The following AGBL4 variants were observed in gnomAD, a reference collection of about 807,000 sequenced individuals.
AGBL4 encodes cytosolic carboxypeptidase 6.
Under a neutral mutation model 66.4 loss-of-function variants are expected in AGBL4, and 58 were observed. That is an observed-to-expected ratio of 0.87 (90% CI 0.71 to 1.09). The LOEUF is 1.09. Among genes scored for constraint, AGBL4 ranks in the 50% least tolerant of loss-of-function variants. AGBL4 has a pLI of 0.00. For missense variants in AGBL4, 579 were observed against 631.0 expected, an observed-to-expected ratio of 0.92 and a Z score of 0.88; for synonymous variants, 234 against 222.9, an observed-to-expected ratio of 1.05 and a Z score of -0.44.
chr1:49,383,373 C>A (rs1557888919), intron 3 of AGBL4, among the ~76,000 whole-genome samples: 1 of 151,952 alleles, frequency 6.6e-6, no homozygotes, highest in African/African-American at 2.4e-5. Flanking sequence ...TAGTTAAAAG[C>A]CTGACACTTT....
chr1:48,650,986 G>T (rs1024667558), intron 8 of AGBL4, among the ~76,000 whole-genome samples: 1 of 152,230 alleles, frequency 6.6e-6, no homozygotes, highest in African/African-American at 2.4e-5. Flanking sequence ...CTGCTGTAGA[G>T]AGTAGTGTGG....
chr1:49,402,417 T>C, intron 3 of AGBL4, among the ~76,000 whole-genome samples: 1 of 152,358 alleles, frequency 6.6e-6, no homozygotes, highest in East Asian at 1.9e-4. Context: ...ATTTTATTCT[T>C]AATTTATTCA....
Position 49,935,166 on chromosome 1 carries a change from G to A in AGBL4, c.35-83648C>T, listed in dbSNP as rs144376251. On this transcript the variant is annotated intron_variant, in intron 1 of 13. Coordinates refer to ENST00000371839, the MANE Select transcript of AGBL4 (RefSeq NM_032785.4). ...TTTTCCGATGGGCTTAAAAAACGGC[G>A]CTCCAGGAGATTATATCCCGCACAT... is the stretch of plus-strand genomic sequence containing the variant. Among the ~76,000 whole-genome samples, 80 of 152,316 alleles carry A rather than the reference G, an allele frequency of 5.3e-4. 1 individual carries two copies. In the South Asian group the frequency reaches 9.5e-3, roughly 18 times the overall value.
chr1:49,763,542 A>G (rs1370378081), intron 2 of AGBL4, among the ~76,000 whole-genome samples: 2 of 152,216 alleles, frequency 1.3e-5, no homozygotes, highest in African/African-American at 4.8e-5. Flanking sequence ...GATGGAACAC[A>G]TGGAAAACAG....
At chr1:49,869,578 A>G (rs1181582952) in intron 1 of AGBL4, among the ~76,000 whole-genome samples, 1 of 152,172 alleles carries the variant, frequency 6.6e-6, no homozygotes, top group Non-Finnish European at 1.5e-5. Flanking sequence ...GGAAAAACAC[A>G]CACCGGGGCC....
At chr1:49,576,632 T>C (rs1200898869) in intron 3 of AGBL4, among the ~76,000 whole-genome samples, 1 of 152,218 alleles carries the variant, frequency 6.6e-6, no homozygotes, top group Non-Finnish European at 1.5e-5. Context: ...AAGTGGGTCA[T>C]GCACAGCAGC....
intron 11 of AGBL4, among the ~76,000 whole-genome samples, chr1:48,569,054 C>A (rs1644519984): frequency 2.0e-5 from 3 of 152,160 alleles, no homozygotes; most frequent in Non-Finnish European, 4.4e-5. Flanking sequence ...TTTCAATGTG[C>A]TCACCAGCCT....
At chr1:49,872,273 G>A (rs1646855441) in intron 1 of AGBL4, among the ~76,000 whole-genome samples, 1 of 151,854 alleles carries the variant, frequency 6.6e-6, no homozygotes, top group Non-Finnish European at 1.5e-5. Flanking sequence ...ACTATTTTGT[G>A]AGTATTCTTA....
chr1:49,680,627 C>A (rs1646674758), intron 3 of AGBL4, among the ~76,000 whole-genome samples: 1 of 151,810 alleles, frequency 6.6e-6, no homozygotes, highest in African/African-American at 2.4e-5. Context: ...GCATTTCTTT[C>A]CTCTGTTTTC....
In AGBL4 at chr1:49,286,223, G is replaced by C. The variant is rs574532220; in HGVS notation, c.283-40359C>G. On this transcript the variant is annotated intron_variant, in intron 3 of 13. Coordinates refer to ENST00000371839, the MANE Select transcript of AGBL4 (RefSeq NM_032785.4). ...GATGGGACATATCTTAAAATAATAA[G>C]AGCTATCTATGACAAACCCACAGCC... 4.6e-5 allele frequency among the ~76,000 whole-genome samples: 7 copies of C among 152,168 alleles called. No individual in the cohort carries two copies. The South Asian group carries it at 1.5e-3, about 32-fold the overall frequency.
At chr1:48,683,779 C>T (rs1178642311) in intron 6 of AGBL4, among the ~76,000 whole-genome samples, 2 of 152,110 alleles carry the variant, frequency 1.3e-5, no homozygotes, top group Admixed American at 6.6e-5. Flanking sequence ...TATTGATGAG[C>T]CATGGAGCAT....
chr1:48,968,186 G>A (rs1658606676), intron 5 of AGBL4, among the ~76,000 whole-genome samples: 1 of 151,998 alleles, frequency 6.6e-6, no homozygotes. Flanking sequence ...AGTATCCTAA[G>A]GAATAACAAG....
At chr1:49,596,269 G>T (rs566027815) in intron 3 of AGBL4, among the ~76,000 whole-genome samples, 1 of 152,272 alleles carries the variant, frequency 6.6e-6, no homozygotes, top group South Asian at 2.1e-4. Flanking sequence ...ATGGGTTCAA[G>T]CAATTCTCAC....
intron 3 of AGBL4, among the ~76,000 whole-genome samples, chr1:49,525,309 A>G (rs1650572208): frequency 6.6e-6 from 1 of 152,114 alleles, no homozygotes; most frequent in African/African-American, 2.4e-5. Context: ...ATTATATACA[A>G]ACCTGCTGTA....
intron 1 of AGBL4, among the ~76,000 whole-genome samples, chr1:49,963,242 A>G (rs1191863665): frequency 6.6e-6 from 1 of 152,178 alleles, no homozygotes; most frequent in African/African-American, 2.4e-5. Context: ...CTTTTGCCCC[A>G]GATTCCCATG....
chr1:49,634,814 T>C (rs1045661203), intron 3 of AGBL4, among the ~76,000 whole-genome samples: 3 of 152,218 alleles, frequency 2.0e-5, no homozygotes, highest in Non-Finnish European at 4.4e-5. Flanking sequence ...GATAAATTTC[T>C]ATATCCATGT....
intron 3 of AGBL4, among the ~76,000 whole-genome samples, chr1:49,322,578 T>C (rs1645150592): frequency 6.6e-6 from 1 of 152,154 alleles, no homozygotes; most frequent in Admixed American, 6.5e-5. Context: ...CAATGTGTCA[T>C]TATAAAAAAC....
intron 3 of AGBL4, among the ~76,000 whole-genome samples, chr1:49,577,480 A>G (rs538928472): frequency 6.6e-6 from 1 of 152,296 alleles, no homozygotes; most frequent in South Asian, 2.1e-4. Context: ...TCAGCCAGCT[A>G]CTTGCTGGCA....
intron 3 of AGBL4, among the ~76,000 whole-genome samples, chr1:49,305,939 CT>C (rs1353920950): frequency 1.2e-4 from 19 of 152,282 alleles, no homozygotes; most frequent in African/African-American, 4.3e-4. Flanking sequence ...ATCCGCCCAC[CT>C]TGGCCTCCCA....
Sources: gnomAD v4.1 joint callset for allele counts (sites outside exome capture counted in the v4.1 genomes callset) on GRCh38, gnomAD v4.1.1 for gene constraint, MANE v1.5 for transcripts, NCBI Gene and HGNC (gene_info 2026-07-23, HGNC 2026-07-21) for gene names.